HERC2: variants seen among roughly 807,000 people sequenced by gnomAD.
HERC2 encodes E3 ubiquitin-protein ligase HERC2.
A neutral mutation model predicts 537.7 loss-of-function variants in HERC2; 102 were observed. That is an observed-to-expected ratio of 0.19 (90% CI 0.16 to 0.22). HERC2 has a LOEUF of 0.22. Among genes scored for constraint, HERC2 ranks in the 10% least tolerant of loss-of-function variants. HERC2 has a pLI of 1.00. For missense variants in HERC2, 4,236 were observed against 6,198.2 expected (o/e 0.68, Z 10.63); for synonymous variants, 2,224 against 2,466.2 (o/e 0.90, Z 2.91).
At chr15:28,127,189 A>G (rs1263956657) in intron 83 of HERC2, among the ~76,000 whole-genome samples, 1 of 152,222 alleles carries the variant, frequency 6.6e-6, no homozygotes, top group Non-Finnish European at 1.5e-5. Context: ...TCCTAAAGCC[A>G]CGAGGCGGGT....
At chr15:28,281,729 G>A (rs1331403579) in intron 4 of HERC2, among the ~76,000 whole-genome samples, 1 of 152,248 alleles carries the variant, frequency 6.6e-6, no homozygotes, top group East Asian at 1.9e-4. Flanking sequence ...TTGCACACTG[G>A]GCTCAAGATG....
intron 1 of HERC2, 65 bp downstream of exon 1, chr15:28,321,989 ACGCCCGCCTCCCGGGCTCGGC>A: frequency 9.3e-6 from 1 of 107,140 alleles, no homozygotes; most frequent in African/African-American, 4.4e-5. Context: ...CGCCGCGCCC[ACGCCCGCCTCCCGGGCTCGGC>A]CGCCCGCCAG....
Position 28,229,395 on chromosome 15 carries a change from G to A in HERC2, c.5121-49C>T, listed in dbSNP as rs1412638632. On this transcript the variant is annotated intron_variant, in intron 33 of 92. Transcript: ENST00000261609. ...TGACTTGGGACACTGCCAGACTTCT[G>A]TTACAGAACAACATTTTGTTGCCAT... 1.9e-6 allele frequency: 3 copies of A among 1,613,342 alleles called. No individual in the cohort carries two copies. The South Asian group carries it at 3.3e-5, about 18-fold the overall frequency.
In HERC2 at chr15:28,284,485, T is replaced by C. The variant is rs570754591; in HGVS notation, c.323-4198A>G. Among the ~76,000 whole-genome samples the C allele has an allele frequency of 1.3e-4, 20 of 151,868 alleles. 2 individuals are homozygous for C. The South Asian group carries it at 2.7e-3, about 21-fold the overall frequency. ...CAGACTAGAGAACATGATCCAACTA[T>C]ATGTTGTCCATAAGAAAGTGACTTC... On this transcript the variant is annotated intron_variant, in intron 4 of 92. Coordinates refer to ENST00000261609, the MANE Select transcript of HERC2 (RefSeq NM_004667.6).
intron 59 of HERC2, 74 bp downstream of exon 59, chr15:28,178,813 A>T (rs1895544007): frequency 1.4e-6 from 2 of 1,474,126 alleles, no homozygotes; most frequent in East Asian, 2.3e-5. Flanking sequence ...TAAGGACACC[A>T]ATTAGGGCTT....
At chr15:28,120,755 C>A (rs1339536213) in intron 86 of HERC2, among the ~76,000 whole-genome samples, 1 of 152,096 alleles carries the variant, frequency 6.6e-6, no homozygotes, top group Non-Finnish European at 1.5e-5. Context: ...GGCCTCTGAC[C>A]CACTCCACTT....
At chr15:28,276,051 G>A (rs1019515553) in intron 5 of HERC2, among the ~76,000 whole-genome samples, 1 of 151,274 alleles carries the variant, frequency 6.6e-6, no homozygotes, top group Non-Finnish European at 1.5e-5. Context: ...GCCAGGTGTG[G>A]TGACGGGTGC....
chr15:28,284,935 A>C (rs2076117058), intron 4 of HERC2, among the ~76,000 whole-genome samples: 1 of 150,230 alleles, frequency 6.7e-6, no homozygotes, highest in Non-Finnish European at 1.5e-5. Context: ...AAAAAAAAAA[A>C]AAAAAAAAAA....
In HERC2 at chr15:28,274,998, G is replaced by A. The variant is rs773280377; in HGVS notation, c.550C>T (p.Pro184Ser). The change falls in exon 6 of 93, where the codon CCT becomes TCT. Residue 184 changes from proline to serine, a missense_variant. By Grantham distance (74) the Pro-to-Ser change is moderately conservative. Transcript: ENST00000261609. ...AGCCCCTCCACACCTTTGCCCGCAG[G>A]CCGGGAACTGCAGACGACACACACG... Reference protein sequence around the residue: ...LPPVDKKSSRPAGKGVEGLAR... With the variant: ...LPPVDKKSSRSAGKGVEGLAR... The A allele has an allele frequency of 6.2e-7, 1 of 1,604,194 alleles. No homozygotes were observed. The highest frequency in any genetic ancestry group is 2.2e-5 in the East Asian group (1 of 44,860).
chr15:28,304,868 A>ACCCCC (rs2076740528), intron 2 of HERC2, among the ~76,000 whole-genome samples: 2 of 35,138 alleles, frequency 5.7e-5, no homozygotes, highest in African/African-American at 2.2e-4. Flanking sequence ...CCCTCCCCCC[A>ACCCCC]CCCCACCCCA....
chr15:28,303,318 T>C (rs1256632078), intron 2 of HERC2, among the ~76,000 whole-genome samples: 1 of 152,210 alleles, frequency 6.6e-6, no homozygotes, highest in African/African-American at 2.4e-5. Flanking sequence ...TCACTGTAGA[T>C]GTATAGATCT....
At chr15:28,172,870 G>A (rs1894831004) in intron 65 of HERC2, among the ~76,000 whole-genome samples, 1 of 152,116 alleles carries the variant, frequency 6.6e-6, no homozygotes, top group Non-Finnish European at 1.5e-5. Flanking sequence ...ATTAGGCAAA[G>A]GACTTGTAAC....
chr15:28,314,592 TCA>T (rs2077032556), intron 2 of HERC2, among the ~76,000 whole-genome samples: 1 of 152,004 alleles, frequency 6.6e-6, no homozygotes, highest in South Asian at 2.1e-4. Flanking sequence ...GCACGGTGGC[TCA>T]CACCTGTCAT....
At chr15:28,175,714 CAAG>C (rs1895219292) in intron 63 of HERC2, 58 bp from the exon 64 acceptor site, 1 of 1,549,446 alleles carries the variant, frequency 6.5e-7, no homozygotes, top group African/African-American at 1.4e-5. Context: ...CAATGCTATA[CAAG>C]AAGACACTCA....
In HERC2 at chr15:28,268,460, C is replaced by T. The variant is rs1160146019; in HGVS notation, c.1598+5G>A. On this transcript the variant is annotated splice_donor_5th_base_variant and intron_variant, in intron 12 of 92. Transcript: ENST00000261609. The surrounding 1 kb of genome is among the most constrained non-coding windows in gnomAD (Gnocchi z 4.7). ...GTGTCCCCTACAGGAATAAGCGATACATACACAGTGTCCCCATGGCCCAGC... is the reference window on the plus strand; with the variant it reads ...GTGTCCCCTACAGGAATAAGCGATATATACACAGTGTCCCCATGGCCCAGC... 6.2e-7 allele frequency: 1 copy of T among 1,613,144 alleles called. No individual in the cohort carries two copies. The highest frequency in any genetic ancestry group is 8.5e-7 in the Non-Finnish European group (1 of 1,179,394).
chr15:28,163,125 A>C lies in HERC2; in HGVS notation c.10715T>G (p.Val3572Gly). The C allele has an allele frequency of 1.9e-6, 3 of 1,611,796 alleles. No individual in the cohort carries two copies. The highest frequency in any genetic ancestry group is 2.5e-6 in the Non-Finnish European group (3 of 1,179,954). ...GTAGGCGGTCCCCATGCCGGAAAGCACCGCGGAGAGCACATCCCTGCCCCT... is the reference window on the plus strand; with the variant it reads ...GTAGGCGGTCCCCATGCCGGAAAGCCCCGCGGAGAGCACATCCCTGCCCCT... ...GDRGRDVLSA[V>G]LSGMGTAYPQ... The change falls in exon 69 of 93, where the codon GTG becomes GGG. Residue 3572 changes from valine (V) to glycine (G), a missense_variant. Physicochemically the swap from Val to Gly is moderately radical, Grantham distance 109. Around this residue, in one of 27 missense-constraint regions of HERC2, gnomAD observed 356 missense variants for 450.9 expected, o/e 0.79. Coordinates refer to ENST00000261609, the MANE Select transcript of HERC2 (RefSeq NM_004667.6).
intron 6 of HERC2, 91 bp downstream of exon 6, chr15:28,274,814 C>A: frequency 1.0e-6 from 1 of 982,012 alleles, no homozygotes; most frequent in South Asian, 1.4e-5. Context: ...ATGGGATCAG[C>A]CAAAGGGCAC....
At position 28,247,587 on chromosome 15, in the gene HERC2, C is replaced by A. The variant is rs533512355; in HGVS notation, c.3236-690G>T. ...GGGATTACAGGCACCTGCCACTATG[C>A]CCAGCTAATTTTTTGTATTTTTAGT... On this transcript the variant is annotated intron_variant, in intron 21 of 92. Coordinates refer to ENST00000261609, the MANE Select transcript of HERC2 (RefSeq NM_004667.6). Among the ~76,000 whole-genome samples the A allele has an allele frequency of 1.4e-3, 212 of 152,162 alleles. 1 individual carries two copies. The highest frequency in any genetic ancestry group is 4.8e-3 in the African/African-American group (200 of 41,520).
chr15:28,186,472 T>G, intron 56 of HERC2, 105 bp downstream of exon 56: 2 of 825,652 alleles, frequency 2.4e-6, no homozygotes, highest in Non-Finnish European at 3.6e-6. Context: ...GGACATAAAA[T>G]GACTCTCAGT....
Sources: allele counts gnomAD v4.1 joint callset (sites outside exome capture counted in the v4.1 genomes callset), GRCh38; gene constraint gnomAD v4.1.1; regional missense constraint gnomAD v4.1.1; non-coding constraint Gnocchi (gnomAD v3.1); transcripts MANE v1.5; gene names NCBI Gene and HGNC (gene_info 2026-07-23, HGNC 2026-07-21).